The following PCSK7 variants were observed in gnomAD, a reference collection of about 807,000 sequenced individuals.
The protein encoded by PCSK7 is lymphoma proprotein convertase.
In PCSK7, 38 loss-of-function variants were observed where a neutral mutation model predicts 73.3. The ratio of observed to expected loss-of-function variants is 0.52; its 90% confidence interval spans 0.40 to 0.68. PCSK7 has a LOEUF of 0.68. Among genes scored for constraint, PCSK7 ranks in the 30% least tolerant of loss-of-function variants. The pLI is 0.00. For synonymous variants in PCSK7, 296 were observed against 383.8 expected (o/e 0.77, Z 2.68); for missense variants, 692 against 991.5 (o/e 0.70, Z 4.06).
intron 12 of PCSK7, chr11:117,215,380 G>GTGTGTGTGTGTGTGTGTGTGTGTATA (rs1164738557): frequency 5.4e-5 from 3 of 55,898 alleles, no homozygotes; most frequent in African/African-American, 1.2e-4. Flanking sequence ...GTGTGTGTGT[G>GTGTGTGTGTGTGTGTGTGTGTGTATA]TATATATATA....
intron 7 of PCSK7, 120 bp downstream of exon 7, chr11:117,224,581 T>A (rs1239869596): frequency 4.7e-6 from 4 of 859,144 alleles, no homozygotes; most frequent in Non-Finnish European, 8.0e-6. Flanking sequence ...AGGTGTTCTC[T>A]TCCTGAAAGG....
chr11:117,223,510 G>A (rs766658103), intron 8 of PCSK7: 87 of 575,648 alleles, frequency 1.5e-4, no homozygotes, highest in Middle Eastern at 4.5e-4. Context: ...ATTCTGTGCC[G>A]CAATACCATT....
intron 3 of PCSK7, 50 bp from the exon 4 acceptor site, chr11:117,228,400 G>A: frequency 1.3e-6 from 2 of 1,571,374 alleles, no homozygotes; most frequent in Non-Finnish European, 1.8e-6. Context: ...ACAGCCCAGA[G>A]GGAGATGAAG....
At chr11:117,211,628 C>T (rs1376161404) in intron 12 of PCSK7, 1 of 152,276 alleles carries the variant, frequency 6.6e-6, no homozygotes. Context: ...TGTCCTTTCA[C>T]AGCAATACTT....
At position 117,219,716 on chromosome 11, in the gene PCSK7, C is replaced by T. The variant is rs751156091; in HGVS notation, c.1198G>A (p.Glu400Lys). Reference protein sequence around the residue: ...WDLQKGTGCTEGHTGTSAAAP... With the variant: ...WDLQKGTGCTKGHTGTSAAAP... ...GCAGCTGAGGTCCCTGTGTGGCCCT[C>T]AGTGCAGCCAGTGCCCTTCTGAAGG... The change falls in exon 10 of 17, where the codon GAG (glutamate) becomes AAG (lysine). Residue 400 changes from glutamate to lysine, a missense_variant. By Grantham distance (56) the Glu-to-Lys change is moderately conservative (BLOSUM62 1). This residue lies in a region of PCSK7 where 574 missense variants were observed against 689.8 expected (regional missense o/e 0.83). Transcript: ENST00000320934. 8.1e-6 allele frequency: 13 copies of T among 1,596,562 alleles called. No individual in the cohort carries two copies. The highest frequency in any genetic ancestry group is 1.1e-5 in the Non-Finnish European group (13 of 1,172,580).
chr11:117,226,068 A>G, intron 5 of PCSK7, 47 bp from the exon 6 acceptor site: 1 of 1,085,592 alleles, frequency 9.2e-7, no homozygotes, highest in Non-Finnish European at 1.4e-6. Flanking sequence ...CTGGTCTCCT[A>G]GCCGGGGAAC....
At chr11:117,226,329 T>C (rs780182679) in intron 5 of PCSK7, 10 of 352,172 alleles carry the variant, frequency 2.8e-5, no homozygotes, top group African/African-American at 4.2e-5. Context: ...AGAGATGGGG[T>C]TTCACCATAT....
At chr11:117,227,868 A>C (rs944010999) in intron 4 of PCSK7, among the ~76,000 whole-genome samples, 6 of 152,230 alleles carry the variant, frequency 3.9e-5, no homozygotes, top group African/African-American at 1.4e-4. Context: ...ATGTGCCTAC[A>C]GCTCCACGGC....
chr11:117,213,950 CTTTTT>C (rs1392505274), intron 12 of PCSK7: 3 of 120,768 alleles, frequency 2.5e-5, no homozygotes, highest in African/African-American at 9.9e-5. Context: ...CTTTTCTTTT[CTTTTT>C]CTTTTTTTTT....
In PCSK7 at chr11:117,215,380, G is replaced by GTGTGTGTGTGTGTGTATATATATATATA. The variant is rs1164738557; in HGVS notation, c.1534+3085_1534+3086insTATATATATATATACACACACACACACA. On this transcript the variant is annotated intron_variant, in intron 12 of 16. Coordinates refer to ENST00000320934, the MANE Select transcript of PCSK7 (RefSeq NM_004716.4). ...CTGGCTAATTTGTGTGTGTGTGTGT[G>GTGTGTGTGTGTGTGTATATATATATATA]TATATATATATATATATATATATAT... is the stretch of plus-strand genomic sequence containing the variant. The GTGTGTGTGTGTGTGTATATATATATATA allele has an allele frequency of 1.1e-4, 6 of 55,892 alleles. No homozygotes were observed. The East Asian group carries it at 3.9e-3, about 36-fold the overall frequency. The allele number at this position is 55,892 out of a possible 1,614,324, so 3.5% of individuals were successfully genotyped here.
At position 117,218,453 on chromosome 11, in the gene PCSK7, G is replaced by C. The variant is rs753137392; in HGVS notation, c.1534+13C>G. 6.6e-7 allele frequency: 1 copy of C among 1,504,798 alleles called. No individual in the cohort carries two copies. Among genetic ancestry groups the C allele is most frequent in the Non-Finnish European group, 9.1e-7 (1 of 1,096,912 alleles). The allele number at this position is 1,504,798 out of a possible 1,614,324, so 93.2% of individuals were successfully genotyped here. On this transcript the variant is annotated intron_variant, in intron 12 of 16. Transcript: ENST00000320934. The surrounding 1 kb of genome is among the most constrained non-coding windows in gnomAD (Gnocchi z 4.0). ...CAGGCCTAAGATTAACCCCCTTTGT[G>C]CTGATTACTTACCATTCCACAGGAC...
At chr11:117,220,620 A>C (rs1591799094) in intron 9 of PCSK7, 2 of 151,870 alleles carry the variant, frequency 1.3e-5, no homozygotes, top group Admixed American at 6.6e-5. Flanking sequence ...AAACCCTTCA[A>C]CCCCCACAAC....
intron 12 of PCSK7, chr11:117,215,406 A>ATATATAATT (rs1555044281): frequency 3.7e-5 from 2 of 54,586 alleles, no homozygotes; most frequent in South Asian, 9.9e-4. Flanking sequence ...ATATATATAT[A>ATATATAATT]CTTTTTTTTT....
In PCSK7 at chr11:117,227,218, G is replaced by C. The variant is rs751262398; in HGVS notation, c.708C>G (p.Ile236Met). Residue 236 changes from isoleucine to methionine, a missense_variant, in exon 5 of 17, where the codon ATC becomes ATG. Physicochemically the swap from Ile to Met is conservative, Grantham distance 10 (BLOSUM62 1). This residue lies in a region of PCSK7 where 574 missense variants were observed against 689.8 expected (regional missense o/e 0.83). Coordinates refer to ENST00000320934, the MANE Select transcript of PCSK7 (RefSeq NM_004716.4). ...AGAAGCTGTTGTTGGGCACAGCCGC[G>C]ATCTCTCCTGCACATCGCGTGCCAT... Reference protein sequence around the residue: ...NHHGTRCAGEIAAVPNNSFCA... With the variant: ...NHHGTRCAGEMAAVPNNSFCA... The C allele has an allele frequency of 4.3e-6, 7 of 1,613,308 alleles. No individual in the cohort carries two copies. The highest frequency in any genetic ancestry group is 5.9e-6 in the Non-Finnish European group (7 of 1,179,744).
intron 6 of PCSK7, 110 bp downstream of exon 6, chr11:117,225,821 A>G: frequency 1.4e-6 from 1 of 714,014 alleles, no homozygotes; most frequent in Admixed American, 2.0e-5. Flanking sequence ...GCTGAACCCA[A>G]TGAGGAGACC....
chr11:117,222,071 T>A (rs960506392), intron 9 of PCSK7: 1 of 152,154 alleles, frequency 6.6e-6, no homozygotes, highest in Admixed American at 6.5e-5. Context: ...GCAGCCTAAT[T>A]CCCAATGGCC....
intron 7 of PCSK7, 126 bp downstream of exon 7, chr11:117,224,574 TG>T: frequency 3.7e-6 from 3 of 811,088 alleles, no homozygotes; most frequent in Non-Finnish European, 6.5e-6. Context: ...CGACGTTAGG[TG>T]TTCTCTTCCT....
At chr11:117,228,042 C>A in intron 4 of PCSK7, among the ~76,000 whole-genome samples, 174 bp downstream of exon 4, 1 of 152,190 alleles carries the variant, frequency 6.6e-6, no homozygotes, top group East Asian at 1.9e-4. Context: ...AGAGTTAGAG[C>A]CACCTGCTGT....
Position 117,219,612 on chromosome 11 carries a change from G to A in PCSK7, c.1302C>T (p.Ile434=), listed in dbSNP as rs1301692352. 2 of 1,612,828 alleles carry A rather than the reference G, an allele frequency of 1.2e-6. No homozygotes were observed. The highest frequency in any genetic ancestry group is 1.3e-5 in the African/African-American group (1 of 74,868). ...PCLTWRDVQH[I]IVFTATRYED... is the part of the protein sequence containing the mutation. ...TCACCCGGGTGGCTGTGAAGACAAT[G>A]ATGTGCTGGACGTCACGCCACGTGA... The change falls in exon 10 of 17, where the codon ATC becomes ATT. Residue 434 remains isoleucine (I), a synonymous_variant. Coordinates refer to ENST00000320934, the MANE Select transcript of PCSK7 (RefSeq NM_004716.4).
Sources: allele counts gnomAD v4.1 joint callset (sites outside exome capture counted in the v4.1 genomes callset), GRCh38; gene constraint gnomAD v4.1.1; regional missense constraint gnomAD v4.1.1; non-coding constraint Gnocchi (gnomAD v3.1); transcripts MANE v1.5; gene names NCBI Gene and HGNC (gene_info 2026-07-23, HGNC 2026-07-21).